Variants in DCUN1D1 observed in about 807,000 individuals in gnomAD.
The protein encoded by DCUN1D1 is DCN1-like protein 1.
A neutral mutation model predicts 39.0 loss-of-function variants in DCUN1D1; 3 were observed. The ratio of observed to expected loss-of-function variants is 0.08; its 90% CI spans 0.04 to 0.20. The LOEUF (loss-of-function observed/expected upper bound fraction) is 0.20. Among genes scored for constraint, DCUN1D1 ranks in the 10% least tolerant of loss-of-function variants. The probability of loss-of-function intolerance (pLI) is 1.00; values close to 1 mark genes in which losing one functional copy is unlikely to be tolerated. For synonymous variants in DCUN1D1, 82 were observed against 96.3 expected (o/e 0.85, Z 0.87); for missense variants, 158 against 302.4 (o/e 0.52, Z 3.54).
At chr3:182,980,270 C>G (rs1728471863) in intron 1 of DCUN1D1, 2 of 307,876 alleles carry the variant, frequency 6.5e-6, no homozygotes, top group Admixed American at 6.4e-5. Flanking sequence ...TCCGCTCCGC[C>G]TCCTCGGCTC....
intron 1 of DCUN1D1, among the ~76,000 whole-genome samples, chr3:182,968,964 T>C (rs953128054): frequency 6.6e-6 from 1 of 152,156 alleles, no homozygotes; most frequent in Admixed American, 6.5e-5. Flanking sequence ...TCAACATATT[T>C]GAAGAAACAG....
At position 182,939,953 on chromosome 3, in the gene DCUN1D1, T is replaced by C. The variant is rs2108613176; in HGVS notation, c.*5141A>G. The C allele has an allele frequency of 6.6e-6, 1 of 152,310 alleles. No homozygotes were observed. Among genetic ancestry groups the C allele is most frequent in the South Asian group, 2.1e-4 (1 of 4,826 alleles). 9.4% of individuals were successfully genotyped at this position (152,310 alleles called of 1,614,324 possible). A position where few individuals can be genotyped will look rare whatever the true frequency, so the allele number is the denominator to read the frequency against. On this transcript the variant is annotated 3_prime_UTR_variant, in exon 7 of 7. Coordinates refer to ENST00000292782, the MANE Select transcript of DCUN1D1 (RefSeq NM_020640.4). ...CAACACAACGAAGTCTAATATACTA[T>C]TAGGATTAAGAACATTAGCATTTGC... is the stretch of plus-strand genomic sequence containing the variant.
chr3:182,975,946 G>A (rs1439498761), intron 1 of DCUN1D1, among the ~76,000 whole-genome samples: 6 of 151,306 alleles, frequency 4.0e-5, no homozygotes, highest in Non-Finnish European at 2.9e-5. Context: ...GACTAGTAGA[G>A]TGTACCTTCT....
At chr3:182,972,924 C>G (rs941950300) in intron 1 of DCUN1D1, among the ~76,000 whole-genome samples, 1 of 152,058 alleles carries the variant, frequency 6.6e-6, no homozygotes, top group Non-Finnish European at 1.5e-5. Flanking sequence ...TGCCTGTAAT[C>G]CCAGCTACTC....
At chr3:182,981,271 G>A (rs191348037), upstream of DCUN1D1, among the ~76,000 whole-genome samples, 38 of 152,284 alleles carry the variant, frequency 2.5e-4, no homozygotes, top group African/African-American at 8.4e-4. Context: ...CCTGCCTACT[G>A]CTAGCTCTCA....
intron 1 of DCUN1D1, among the ~76,000 whole-genome samples, chr3:182,977,723 T>C (rs1577204225): frequency 6.6e-6 from 1 of 151,900 alleles, no homozygotes; most frequent in East Asian, 2.0e-4. Flanking sequence ...CGTGAGCCAC[T>C]GCACTCAGCC....
At chr3:182,955,855 A>C (rs1476094129) in intron 4 of DCUN1D1, 2 of 205,820 alleles carry the variant, frequency 9.7e-6, no homozygotes, top group Non-Finnish European at 2.0e-5. Flanking sequence ...TGCTGGGATT[A>C]CAGGCGTGAG....
chr3:182,964,860 T>C (rs1318771159), intron 2 of DCUN1D1, among the ~76,000 whole-genome samples: 1 of 151,914 alleles, frequency 6.6e-6, no homozygotes, highest in African/African-American at 2.4e-5. Flanking sequence ...AGACTGGTCT[T>C]GAACTCCTGA....
At chr3:182,951,556 C>CA (rs1726740589) in intron 4 of DCUN1D1, among the ~76,000 whole-genome samples, 1 of 119,580 alleles carries the variant, frequency 8.4e-6, no homozygotes, top group Admixed American at 1.1e-4. Flanking sequence ...GTTGAGGCTG[C>CA]AGTGGGTCAT....
chr3:182,975,246 G>A (rs1385239750), intron 1 of DCUN1D1, among the ~76,000 whole-genome samples: 4 of 149,468 alleles, frequency 2.7e-5, no homozygotes, highest in Non-Finnish European at 5.9e-5. Flanking sequence ...GTGCGATCTC[G>A]GCTCACTGCA....
intron 4 of DCUN1D1, among the ~76,000 whole-genome samples, chr3:182,951,617 CAAAAAAAAAAAAAAAAA>C (rs748698621): frequency 1.0e-3 from 45 of 44,386 alleles, no homozygotes; most frequent in Non-Finnish European, 1.6e-3. Flanking sequence ...CCCTGTCTCC[CAAAAAAAAAAAAAAAAA>C]AAAAAAAAAA....
In DCUN1D1 at chr3:182,977,990, A is replaced by C. The variant is rs930137063; in HGVS notation, c.3+2497T>G. On this transcript the variant is annotated intron_variant, in intron 1 of 6. Transcript: ENST00000292782. ...AGGAGGCACGGGTTGCAGTGAGCCA[A>C]GATTGCACCACTGCACTCCAGCCTG... 7.6e-4 allele frequency among the ~76,000 whole-genome samples: 114 copies of C among 150,824 alleles called. 3 individuals are homozygous for C. Among genetic ancestry groups the C allele is most frequent in the Non-Finnish European group, 1.6e-4 (11 of 67,716 alleles).
At chr3:182,954,259 G>A (rs1726913057) in intron 4 of DCUN1D1, among the ~76,000 whole-genome samples, 1 of 152,170 alleles carries the variant, frequency 6.6e-6, no homozygotes. Flanking sequence ...TGGGAATCCA[G>A]GTGAAGAATA....
At chr3:182,982,045 G>T (rs1036058651), upstream of DCUN1D1, among the ~76,000 whole-genome samples, 1 of 152,178 alleles carries the variant, frequency 6.6e-6, no homozygotes, top group African/African-American at 2.4e-5. Context: ...GCGTTAATGA[G>T]GAGGATTCAC....
chr3:182,947,837 G>C (rs1266438496), intron 4 of DCUN1D1, among the ~76,000 whole-genome samples: 1 of 152,104 alleles, frequency 6.6e-6, no homozygotes, highest in Non-Finnish European at 1.5e-5. Flanking sequence ...AGGGCCTTTA[G>C]GGCAAAAAAT....
intron 4 of DCUN1D1, among the ~76,000 whole-genome samples, chr3:182,957,252 G>C (rs916454740): frequency 6.6e-6 from 1 of 152,242 alleles, no homozygotes; most frequent in African/African-American, 2.4e-5. Context: ...TGAGCATCAG[G>C]TAAGGATGCT....
At position 182,966,385 on chromosome 3, in the gene DCUN1D1, C is replaced by T. The variant is rs539978884; in HGVS notation, c.4-632G>A. ...ATCCAGGAACCAAGAAAATTATCAA[C>T]AAAATTTCCTCATATCCTATCAAAA... On this transcript the variant is annotated intron_variant, in intron 1 of 6. Transcript: ENST00000292782. Among the ~76,000 whole-genome samples, 11 of 152,256 alleles carry T rather than the reference C, an allele frequency of 7.2e-5. No homozygotes were observed. In the South Asian group the frequency reaches 2.3e-3, roughly 32 times the overall value.
chr3:182,985,526 G>T (rs1728702749), upstream of DCUN1D1: 1 of 152,396 alleles, frequency 6.6e-6, no homozygotes, highest in South Asian at 2.1e-4. Context: ...CTACTTGGGA[G>T]GCTGAGGCAG....
At chr3:182,973,676 G>T (rs181729774) in intron 1 of DCUN1D1, among the ~76,000 whole-genome samples, 1 of 150,970 alleles carries the variant, frequency 6.6e-6, no homozygotes, top group Non-Finnish European at 1.5e-5. Flanking sequence ...GCATGGTGGC[G>T]TGCGCCTGTA....
Sources: gnomAD v4.1 joint callset for allele counts (sites outside exome capture counted in the v4.1 genomes callset) on GRCh38, gnomAD v4.1.1 for gene constraint, MANE v1.5 for transcripts, NCBI Gene and HGNC (gene_info 2026-07-23, HGNC 2026-07-21) for gene names.